Variants in SCFD2 observed in about 807,000 individuals in gnomAD.
SCFD2 encodes sec1 family domain containing 2, also known as sec1 family domain-containing protein 2.
SCFD2 carries 54 observed loss-of-function variants against 58.9 expected under a neutral mutation model. The ratio of observed to expected loss-of-function variants is 0.92; its 90% CI spans 0.74 to 1.15. The LOEUF is 1.15. SCFD2 is among the 50% of genes most tolerant of loss of function. The probability of loss-of-function intolerance (pLI) is 0.00; values close to 1 mark genes in which losing one functional copy is unlikely to be tolerated. For missense variants in SCFD2, 805 were observed against 836.6 expected (o/e 0.96, Z 0.47); for synonymous variants, 321 against 335.9 (o/e 0.96, Z 0.49).
intron 7 of SCFD2, among the ~76,000 whole-genome samples, chr4:52,892,498 C>A (rs1718901341): frequency 6.6e-6 from 1 of 152,206 alleles, no homozygotes; most frequent in Non-Finnish European, 1.5e-5. Flanking sequence ...TTATCTCTGT[C>A]TTCCTATTCT....
At chr4:53,244,287 TCTA>T (rs1729993817) in intron 4 of SCFD2, among the ~76,000 whole-genome samples, 2 of 152,116 alleles carry the variant, frequency 1.3e-5, no homozygotes, top group Non-Finnish European at 2.9e-5. Flanking sequence ...GGATATACAT[TCTA>T]CTCATCACCA....
intron 6 of SCFD2, among the ~76,000 whole-genome samples, chr4:52,918,197 C>T (rs1015203179): frequency 2.0e-5 from 3 of 152,202 alleles, no homozygotes; most frequent in African/African-American, 7.2e-5. Flanking sequence ...ATGAGATGAA[C>T]AGAATATTGT....
intron 7 of SCFD2, among the ~76,000 whole-genome samples, chr4:52,904,698 C>T (rs1719302968): frequency 6.6e-6 from 1 of 152,126 alleles, no homozygotes; most frequent in Non-Finnish European, 1.5e-5. Flanking sequence ...TGAAGGAAAC[C>T]AGAAAGAATA....
chr4:53,032,123 G>A (rs1722630464), intron 5 of SCFD2, among the ~76,000 whole-genome samples: 1 of 152,134 alleles, frequency 6.6e-6, no homozygotes, highest in African/African-American at 2.4e-5. Context: ...GAAGAGAGTG[G>A]GGGCCAATAT....
chr4:53,219,662 A>T (rs1431724385), intron 4 of SCFD2, among the ~76,000 whole-genome samples: 2 of 152,084 alleles, frequency 1.3e-5, no homozygotes, highest in African/African-American at 4.8e-5. Context: ...CTGTCGGACA[A>T]GCCCCAGTGA....
chr4:53,006,577 T>G (rs1294884451), intron 5 of SCFD2, among the ~76,000 whole-genome samples: 1 of 152,226 alleles, frequency 6.6e-6, no homozygotes, highest in East Asian at 1.9e-4. Flanking sequence ...ATAGCTTACT[T>G]AGTTAACTGA....
chr4:53,058,605 T>C (rs1723417565), intron 5 of SCFD2, among the ~76,000 whole-genome samples: 1 of 152,152 alleles, frequency 6.6e-6, no homozygotes, highest in African/African-American at 2.4e-5. Flanking sequence ...TAAAGACTGA[T>C]AGGAAATTCC....
chr4:53,003,070 A>G (rs1057400250), intron 5 of SCFD2, among the ~76,000 whole-genome samples: 2 of 152,278 alleles, frequency 1.3e-5, no homozygotes, highest in Non-Finnish European at 1.5e-5. Context: ...TGCCCCCATG[A>G]TCCAGTCCCC....
At chr4:53,357,942 T>C (rs2149170363) in intron 1 of SCFD2, among the ~76,000 whole-genome samples, 1 of 152,314 alleles carries the variant, frequency 6.6e-6, no homozygotes, top group African/African-American at 2.4e-5. Flanking sequence ...ACTTAACACA[T>C]GTGTAATCTG....
At chr4:53,325,357 A>G (rs574868682) in intron 2 of SCFD2, among the ~76,000 whole-genome samples, 8 of 152,190 alleles carry the variant, frequency 5.3e-5, no homozygotes, top group South Asian at 2.1e-4. Context: ...CCACCAAAAC[A>G]TAAATGATTA....
intron 4 of SCFD2, among the ~76,000 whole-genome samples, chr4:53,225,637 C>T (rs552368798): frequency 6.6e-5 from 10 of 152,320 alleles, no homozygotes; most frequent in Admixed American, 1.3e-4. Context: ...CAAAGGGCGA[C>T]TACCTGACAT....
At chr4:52,914,243 T>G (rs1411464696) in intron 6 of SCFD2, among the ~76,000 whole-genome samples, 1 of 152,224 alleles carries the variant, frequency 6.6e-6, no homozygotes, top group Non-Finnish European at 1.5e-5. Flanking sequence ...TATAAAAATT[T>G]GATAGAAAGC....
chr4:53,084,352 C>T (rs542312539), intron 5 of SCFD2, among the ~76,000 whole-genome samples: 7 of 152,164 alleles, frequency 4.6e-5, no homozygotes, highest in African/African-American at 1.7e-4. Flanking sequence ...TTTTGCCCGA[C>T]CCCACAGGCA....
intron 2 of SCFD2, among the ~76,000 whole-genome samples, chr4:53,328,730 T>C (rs1289180695): frequency 1.3e-5 from 2 of 152,046 alleles, no homozygotes; most frequent in African/African-American, 4.8e-5. Flanking sequence ...TCAAGAAATA[T>C]TGGGGGAGGA....
rs1176704733 is a variant in SCFD2, at chr4:52,912,041, C to T, written c.1708-4450G>A. 2.6e-5 allele frequency among the ~76,000 whole-genome samples: 4 copies of T among 151,224 alleles called. No individual in the cohort carries two copies. In the East Asian group the frequency reaches 7.7e-4, roughly 29 times the overall value. On this transcript the variant is annotated intron_variant, in intron 6 of 8. Coordinates refer to ENST00000401642, the MANE Select transcript of SCFD2 (RefSeq NM_152540.4). ...TCATAGGATTTAATAAATTACCTTT[C>T]TTTTTTTTTCAAGCTCAAAGTGGCA...
intron 4 of SCFD2, among the ~76,000 whole-genome samples, chr4:53,203,009 G>A (rs1165464629): frequency 6.6e-6 from 1 of 152,066 alleles, no homozygotes; most frequent in African/African-American, 2.4e-5. Flanking sequence ...CTAATTGAAT[G>A]CCCTTTATTT....
intron 4 of SCFD2, among the ~76,000 whole-genome samples, chr4:53,180,163 G>A (rs538679679): frequency 2.0e-5 from 3 of 152,050 alleles, no homozygotes; most frequent in Admixed American, 6.6e-5. Flanking sequence ...AATAGACATC[G>A]ACAGAAGTCT....
At chr4:52,914,449 G>A (rs1719557247) in intron 6 of SCFD2, among the ~76,000 whole-genome samples, 1 of 152,156 alleles carries the variant, frequency 6.6e-6, no homozygotes, top group Non-Finnish European at 1.5e-5. Flanking sequence ...CTGTCACCTT[G>A]AAACCAGTCC....
intron 5 of SCFD2, among the ~76,000 whole-genome samples, chr4:53,103,619 A>G (rs1208179807): frequency 6.7e-6 from 1 of 149,096 alleles, no homozygotes; most frequent in Non-Finnish European, 1.5e-5. Flanking sequence ...ATGACATTCC[A>G]GTAGCAATGA....
Sources: gnomAD v4.1 joint callset for allele counts (sites outside exome capture counted in the v4.1 genomes callset) on GRCh38, gnomAD v4.1.1 for gene constraint, MANE v1.5 for transcripts, NCBI Gene and HGNC (gene_info 2026-07-23, HGNC 2026-07-21) for gene names.